The following RBFOX1 variants were observed in gnomAD, a reference collection of about 807,000 sequenced individuals.
RBFOX1 encodes the protein RNA binding fox-1 homolog 1, also known as RNA binding protein fox-1 homolog 1.
Under a neutral mutation model 57.7 loss-of-function variants are expected in RBFOX1, and 8 were observed. That is an observed-to-expected ratio of 0.14 (90% confidence interval 0.08 to 0.25). The LOEUF (loss-of-function observed/expected upper bound fraction) is 0.25. Ranked by LOEUF, RBFOX1 falls within the 10% of genes least tolerant of loss-of-function variation. The pLI is 1.00. For missense variants in RBFOX1, 611 were observed against 548.5 expected, an observed-to-expected ratio of 1.11 and a Z score of -1.14; for synonymous variants, 326 against 222.4, an observed-to-expected ratio of 1.47 and a Z score of -4.15.
chr16:7,235,171 T>C (rs2093706371), intron 4 of RBFOX1, among the ~76,000 whole-genome samples: 1 of 152,240 alleles, frequency 6.6e-6, no homozygotes, highest in Admixed American at 6.5e-5. Flanking sequence ...TTTGGCATCA[T>C]ATATTTTTAA....
chr16:6,750,375 A>C (rs758868010), intron 3 of RBFOX1, among the ~76,000 whole-genome samples: 8 of 152,212 alleles, frequency 5.3e-5, no homozygotes, highest in Non-Finnish European at 7.3e-5. Flanking sequence ...TAGGCACTTA[A>C]TTGCAACTGG....
At chr16:5,856,770 G>A (rs183125173) in intron 3 of RBFOX1, among the ~76,000 whole-genome samples, 1 of 151,160 alleles carries the variant, frequency 6.6e-6, no homozygotes, top group African/African-American at 2.4e-5. Flanking sequence ...AGCCTTCATA[G>A]AATTGAAGAG....
chr16:5,461,394 G>A (rs2068783535), intron 1 of RBFOX1, among the ~76,000 whole-genome samples: 3 of 152,184 alleles, frequency 2.0e-5, no homozygotes, highest in Admixed American at 2.0e-4. Context: ...GGAGAGGCGA[G>A]GGGGTGGCTG....
At chr16:7,706,870 C>T (rs1159228973) in intron 14 of RBFOX1, among the ~76,000 whole-genome samples, 4 of 152,124 alleles carry the variant, frequency 2.6e-5, no homozygotes, top group African/African-American at 7.2e-5. Context: ...GGTAAAGGCC[C>T]AGGTCTCAGG....
At chr16:7,516,594 C>T (rs1600638656) in intron 4 of RBFOX1, among the ~76,000 whole-genome samples, 1 of 152,300 alleles carries the variant, frequency 6.6e-6, no homozygotes, top group East Asian at 1.9e-4. Flanking sequence ...CCCTCCATGG[C>T]CCCAGTGCTA....
chr16:7,225,176 C>T (rs2093013316), intron 4 of RBFOX1, among the ~76,000 whole-genome samples: 1 of 152,146 alleles, frequency 6.6e-6, no homozygotes, highest in South Asian at 2.1e-4. Context: ...GGACAGGAAG[C>T]ATGAATCTAG....
chr16:7,689,007 G>T (rs979872967), intron 14 of RBFOX1, among the ~76,000 whole-genome samples: 3 of 151,948 alleles, frequency 2.0e-5, no homozygotes, highest in Admixed American at 2.0e-4. Context: ...ACTGTGTTCA[G>T]GTTTCACCTC....
chr16:6,251,564 G>T (rs565793068), intron 1 of RBFOX1, among the ~76,000 whole-genome samples: 2 of 152,150 alleles, frequency 1.3e-5, no homozygotes, highest in African/African-American at 4.8e-5. Context: ...CTTTGCTAAA[G>T]CCTCCCCCTA....
chr16:7,626,356 C>T (rs2060067915), intron 10 of RBFOX1, among the ~76,000 whole-genome samples: 2 of 152,194 alleles, frequency 1.3e-5, no homozygotes, highest in South Asian at 2.1e-4. Context: ...GGTTCCGATG[C>T]CCCATCTGAG....
At position 6,813,287 on chromosome 16, in the gene RBFOX1, C is replaced by T. The variant is rs80075501; in HGVS notation, c.-16+158637C>T. Among the ~76,000 whole-genome samples, 541 of 152,272 alleles carry T rather than the reference C, an allele frequency of 3.6e-3. 4 individuals are homozygous for T. The highest frequency in any genetic ancestry group is 0.012 in the African/African-American group (496 of 41,562). On this transcript the variant is annotated intron_variant, in intron 3 of 15. Transcript: ENST00000550418. ...TCTTTCTGGCAGTCCTCAAAACAGC[C>T]ATATTCCATGAAACAACCCTCTTCG...
chr16:6,903,155 G>T (rs930988312), intron 3 of RBFOX1, among the ~76,000 whole-genome samples: 1 of 152,162 alleles, frequency 6.6e-6, no homozygotes, highest in East Asian at 1.9e-4. Context: ...TGTTGAAGAA[G>T]GGGAGGAGCC....
At chr16:7,059,906 T>TC (rs2053720034) in intron 4 of RBFOX1, among the ~76,000 whole-genome samples, 2 of 152,178 alleles carry the variant, frequency 1.3e-5, no homozygotes, top group Non-Finnish European at 2.9e-5. Context: ...GCTGTTTCTA[T>TC]GAAAACTAAA....
At chr16:7,040,525 C>T (rs973835278) in intron 3 of RBFOX1, among the ~76,000 whole-genome samples, 1 of 152,066 alleles carries the variant, frequency 6.6e-6, no homozygotes, top group Non-Finnish European at 1.5e-5. Context: ...ATAACAGAAT[C>T]CAAGATTAAA....
At chr16:7,024,593 C>G (rs76923470) in intron 3 of RBFOX1, among the ~76,000 whole-genome samples, 2,825 of 152,174 alleles carry the variant, frequency 0.019, 87 homozygotes, top group African/African-American at 0.063. Flanking sequence ...ATATTGCAAG[C>G]GATAACTGTG....
At chr16:6,818,399 T>G (rs536963959) in intron 3 of RBFOX1, among the ~76,000 whole-genome samples, 50 of 152,214 alleles carry the variant, frequency 3.3e-4, no homozygotes, top group African/African-American at 1.1e-3. Flanking sequence ...AGAAATGAAC[T>G]TCATCTGACG....
At chr16:6,928,332 G>A (rs1056900147) in intron 3 of RBFOX1, among the ~76,000 whole-genome samples, 2 of 152,278 alleles carry the variant, frequency 1.3e-5, no homozygotes, top group South Asian at 2.1e-4. Flanking sequence ...GGAGGAAGAC[G>A]GGGCGGGGAA....
intron 1 of RBFOX1, among the ~76,000 whole-genome samples, chr16:5,422,980 GT>G (rs2067395939): frequency 2.7e-5 from 3 of 110,654 alleles, no homozygotes; most frequent in African/African-American, 6.9e-5. Flanking sequence ...AGAGGGAGGA[GT>G]GGGGAGAGGG....
chr16:6,599,419 A>G (rs558148353), intron 2 of RBFOX1, among the ~76,000 whole-genome samples: 15 of 152,126 alleles, frequency 9.9e-5, no homozygotes, highest in Non-Finnish European at 2.1e-4. Context: ...AACATACACC[A>G]TCTATCTCAG....
intron 1 of RBFOX1, among the ~76,000 whole-genome samples, chr16:5,337,444 C>A (rs1327565118): frequency 6.6e-6 from 1 of 151,998 alleles, no homozygotes; most frequent in East Asian, 1.9e-4. Context: ...GTTTATAGAC[C>A]CTCTAAAATA....
Sources: allele counts gnomAD v4.1 joint callset (sites outside exome capture counted in the v4.1 genomes callset), GRCh38; gene constraint gnomAD v4.1.1; transcripts MANE v1.5; gene names NCBI Gene and HGNC (gene_info 2026-07-23, HGNC 2026-07-21).